Variants in ADK observed in about 807,000 individuals in gnomAD.
ADK encodes adenosine kinase.
ADK carries 24 observed loss-of-function variants against 44.7 expected under a neutral mutation model. That is an observed-to-expected ratio of 0.54 (90% CI 0.39 to 0.76). The LOEUF is 0.76. Ranked by LOEUF, ADK falls within the 30% of genes least tolerant of loss-of-function variation. The pLI is 0.00. For synonymous variants in ADK, 128 were observed against 142.6 expected (o/e 0.90, Z 0.73); for missense variants, 321 against 425.1 (o/e 0.76, Z 2.15).
At chr10:74,499,643 G>T (rs899020091) in intron 6 of ADK, among the ~76,000 whole-genome samples, 1 of 151,664 alleles carries the variant, frequency 6.6e-6, no homozygotes, top group Admixed American at 6.6e-5. Flanking sequence ...AGCAGAGATC[G>T]CGCCACTGCA....
chr10:74,167,073 C>T (rs1431343616), intron 1 of ADK, among the ~76,000 whole-genome samples: 2 of 152,146 alleles, frequency 1.3e-5, no homozygotes, highest in Middle Eastern at 3.4e-3. Context: ...GCATTGAGTA[C>T]CTAAGAGGTA....
At chr10:74,159,333 T>C (rs1841832495) in intron 1 of ADK, among the ~76,000 whole-genome samples, 1 of 152,270 alleles carries the variant, frequency 6.6e-6, no homozygotes. Context: ...AACATGGTCT[T>C]AACCATTTTG....
intron 6 of ADK, among the ~76,000 whole-genome samples, chr10:74,420,400 T>TA (rs1219592058): frequency 6.6e-6 from 1 of 152,182 alleles, no homozygotes; most frequent in Non-Finnish European, 1.5e-5. Flanking sequence ...GCACATCTAT[T>TA]AAGATCTAAT....
rs113967954 is a variant in ADK, at chr10:74,290,185, G to C, written c.195-24482G>C. ...CAAAAGCTGTCAGTTTTTTTCCTTCGGTTCGTTCTTTGTCTCTGAGAGTTA... is the reference window on the plus strand; with the variant it reads ...CAAAAGCTGTCAGTTTTTTTCCTTCCGTTCGTTCTTTGTCTCTGAGAGTTA... On this transcript the variant is annotated intron_variant, in intron 3 of 10. Transcript: ENST00000539909. Among the ~76,000 whole-genome samples the C allele has an allele frequency of 5.0e-3, 762 of 151,566 alleles. 11 individuals are homozygous for C. The highest frequency in any genetic ancestry group is 0.017 in the African/African-American group (710 of 41,296).
chr10:74,623,669 G>T lies in ADK; in HGVS notation c.877+23176G>T, dbSNP rs139317556. On this transcript the variant is annotated intron_variant, in intron 9 of 10. Coordinates refer to ENST00000539909, the MANE Select transcript of ADK (RefSeq NM_006721.4). ...AGTGACATTTACCTACACATTTATA[G>T]ATTTTATTTATATATATACACATAT... 3.3e-3 allele frequency among the ~76,000 whole-genome samples: 496 copies of T among 151,140 alleles called. 1 individual carries two copies. The highest frequency in any genetic ancestry group is 0.01 in the African/African-American group (432 of 41,264).
rs1589342957 is a variant in ADK at position 74,658,828 on chromosome 10, G to T, written c.878-11355G>T. ...CTTTATAGTAAGATTAAAGTGATAT[G>T]CTTCATTTAGTGAACCTATTAAAGA... On this transcript the variant is annotated intron_variant, in intron 9 of 10. Coordinates refer to ENST00000539909, the MANE Select transcript of ADK (RefSeq NM_006721.4). Among the ~76,000 whole-genome samples, 7 of 151,962 alleles carry T rather than the reference G, an allele frequency of 4.6e-5. No individual in the cohort carries two copies. In the South Asian group the frequency reaches 1.5e-3, roughly 32 times the overall value.
chr10:74,574,103 C>T (rs886417486), intron 7 of ADK, among the ~76,000 whole-genome samples: 6 of 152,104 alleles, frequency 3.9e-5, no homozygotes, highest in African/African-American at 1.4e-4. Flanking sequence ...CTGCGTCGCT[C>T]ACACTGGGAG....
intron 6 of ADK, among the ~76,000 whole-genome samples, chr10:74,471,690 T>A (rs1846597212): frequency 6.6e-6 from 1 of 152,154 alleles, no homozygotes; most frequent in South Asian, 2.1e-4. Context: ...CTTTCATCAA[T>A]GTTTTGTGGT....
intron 10 of ADK, among the ~76,000 whole-genome samples, chr10:74,672,770 A>G (rs1855236046): frequency 6.6e-6 from 1 of 152,186 alleles, no homozygotes; most frequent in Non-Finnish European, 1.5e-5. Flanking sequence ...TATCTTAAAC[A>G]CTTTATATAT....
intron 10 of ADK, among the ~76,000 whole-genome samples, chr10:74,688,133 T>C (rs77081315): frequency 1.2e-3 from 182 of 152,340 alleles, no homozygotes; most frequent in African/African-American, 4.1e-3. Context: ...TTAGACACTT[T>C]GTACAGTGGA....
rs564329993 is a variant in ADK, at chr10:74,296,517, G to A, written c.195-18150G>A. Among the ~76,000 whole-genome samples the A allele has an allele frequency of 1.1e-3, 161 of 152,166 alleles. 4 individuals are homozygous for A. In the South Asian group the frequency reaches 0.032, roughly 31 times the overall value. ...AGTATGGGCAAAGTTATAGAGAATA[G>A]GCGCTTTCATAAGCTATCATAAGGA... On this transcript the variant is annotated intron_variant, in intron 3 of 10. Transcript: ENST00000539909.
chr10:74,485,775 C>A (rs1408659795), intron 6 of ADK, among the ~76,000 whole-genome samples: 1 of 151,978 alleles, frequency 6.6e-6, no homozygotes, highest in Non-Finnish European at 1.5e-5. Flanking sequence ...ATTGTGAGAA[C>A]TTAAAATGTA....
intron 9 of ADK, among the ~76,000 whole-genome samples, chr10:74,632,704 A>G (rs934643488): frequency 6.6e-6 from 1 of 152,176 alleles, no homozygotes; most frequent in African/African-American, 2.4e-5. Flanking sequence ...CAAAGACTTT[A>G]TTTCCAAACA....
chr10:74,414,210 T>TTA (rs1554854708), intron 6 of ADK, among the ~76,000 whole-genome samples: 26 of 151,426 alleles, frequency 1.7e-4, no homozygotes, highest in African/African-American at 5.8e-4. Flanking sequence ...CTTCGATTTG[T>TTA]AAAAAAAAAT....
chr10:74,525,135 G>A (rs1848986932), intron 6 of ADK, 121 bp from the exon 7 acceptor site: 1 of 965,686 alleles, frequency 1.0e-6, no homozygotes. Flanking sequence ...GCTATTTTCT[G>A]CCTTGCATCT....
intron 3 of ADK, among the ~76,000 whole-genome samples, chr10:74,280,772 G>GT (rs1198211440): frequency 1.3e-5 from 2 of 151,930 alleles, no homozygotes; most frequent in Non-Finnish European, 2.9e-5. Context: ...TTATTTTTTT[G>GT]TTTTTCTTGT....
chr10:74,294,361 A>G (rs2132491549), intron 3 of ADK, among the ~76,000 whole-genome samples: 1 of 151,118 alleles, frequency 6.6e-6, no homozygotes, highest in African/African-American at 2.4e-5. Flanking sequence ...GTCTCGGCTC[A>G]TTGCAACCTC....
At chr10:74,586,746 C>T (rs547853118) in intron 7 of ADK, among the ~76,000 whole-genome samples, 1 of 151,460 alleles carries the variant, frequency 6.6e-6, no homozygotes, top group Non-Finnish European at 1.5e-5. Flanking sequence ...TCCAGCTACT[C>T]GGGAGGCTGA....
intron 4 of ADK, among the ~76,000 whole-genome samples, chr10:74,335,302 G>C (rs774931810): frequency 6.6e-6 from 1 of 151,894 alleles, no homozygotes; most frequent in Non-Finnish European, 1.5e-5. Flanking sequence ...GTGCCAAAAC[G>C]TGGCAGCCCA....
Sources: gnomAD v4.1 joint callset for allele counts (sites outside exome capture counted in the v4.1 genomes callset) on GRCh38, gnomAD v4.1.1 for gene constraint, MANE v1.5 for transcripts, NCBI Gene and HGNC (gene_info 2026-07-23, HGNC 2026-07-21) for gene names.